The following NEK10 variants were observed in gnomAD, a reference collection of about 807,000 sequenced individuals.
NEK10 encodes NIMA related kinase 10.
A neutral mutation model predicts 159.8 loss-of-function variants in NEK10; 122 were observed. The ratio of observed to expected loss-of-function variants is 0.76; its 90% CI spans 0.66 to 0.89. The LOEUF (loss-of-function observed/expected upper bound fraction) is 0.89, where lower values mean the gene tolerates loss of function less well. NEK10 is among the 40% of genes least tolerant of loss of function. The pLI is 0.00. For missense variants in NEK10, 1,342 were observed against 1,323.1 expected (o/e 1.01, Z -0.22); for synonymous variants, 466 against 457.1 (o/e 1.02, Z -0.25).
chr3:27,312,976 A>G (rs1044551436), intron 7 of NEK10, among the ~76,000 whole-genome samples: 2 of 152,256 alleles, frequency 1.3e-5, no homozygotes, highest in Admixed American at 1.3e-4. Flanking sequence ...TATGAAAATC[A>G]TTCTTTCTGT....
chr3:27,311,844 C>T (rs1029829515), intron 8 of NEK10: 53 of 413,042 alleles, frequency 1.3e-4, no homozygotes, highest in Non-Finnish European at 2.2e-4. Flanking sequence ...ATAGATTTTA[C>T]CAAAATTTGC....
intron 30 of NEK10, among the ~76,000 whole-genome samples, chr3:27,144,001 G>A (rs1485718377): frequency 2.0e-5 from 3 of 152,178 alleles, no homozygotes; most frequent in Non-Finnish European, 2.9e-5. Context: ...CATAAAATGC[G>A]TTTTCTATTG....
At chr3:27,215,488 A>C (rs1475909901) in intron 23 of NEK10, 1 of 414,166 alleles carries the variant, frequency 2.4e-6, no homozygotes. Context: ...TGCCAAATGC[A>C]ATACATTTTT....
chr3:27,114,562 G>T (rs1176247296), intron 35 of NEK10, among the ~76,000 whole-genome samples: 2 of 152,144 alleles, frequency 1.3e-5, no homozygotes, highest in Non-Finnish European at 2.9e-5. Flanking sequence ...GAAGAAAAAG[G>T]AGAAGAAACA....
At chr3:27,286,747 T>C (rs2042647873) in intron 20 of NEK10, among the ~76,000 whole-genome samples, 2 of 152,052 alleles carry the variant, frequency 1.3e-5, no homozygotes, top group Admixed American at 1.3e-4. Flanking sequence ...TTGTTTTTTA[T>C]ATTAAGACAA....
chr3:27,136,114 T>C (rs1404979354), intron 31 of NEK10, among the ~76,000 whole-genome samples: 7 of 140,354 alleles, frequency 5.0e-5, no homozygotes, highest in East Asian at 2.1e-4. Flanking sequence ...TTTTTTTTTT[T>C]TTTTTTTTTT....
At chr3:27,289,293 T>A (rs2042834996) in intron 19 of NEK10, among the ~76,000 whole-genome samples, 1 of 152,194 alleles carries the variant, frequency 6.6e-6, no homozygotes, top group South Asian at 2.1e-4. Flanking sequence ...GCATTTGGGA[T>A]CCTCTTTGTT....
chr3:27,318,595 G>T (rs1489329408), intron 6 of NEK10, among the ~76,000 whole-genome samples: 1 of 152,216 alleles, frequency 6.6e-6, no homozygotes, highest in Non-Finnish European at 1.5e-5. Flanking sequence ...ATGTTGTGTA[G>T]CTTAGGGAAA....
intron 20 of NEK10, among the ~76,000 whole-genome samples, chr3:27,287,147 A>AAAG (rs2042678307): frequency 1.3e-5 from 2 of 151,784 alleles, no homozygotes; most frequent in African/African-American, 4.8e-5. Flanking sequence ...AAAAAAAAAA[A>AAAG]AAAAAAAAGA....
Position 27,278,893 on chromosome 3 carries a change from G to C in NEK10, c.2014+5709C>G, listed in dbSNP as rs2041953901. 9.1e-6 allele frequency: 9 copies of C among 984,570 alleles called. No individual in the cohort carries two copies. The South Asian group carries it at 1.4e-4, about 15-fold the overall frequency. 61.0% of individuals were successfully genotyped at this position (984,570 alleles called of 1,614,324 possible). ...ACAGTATTTAGGGCAAATGTTGACT[G>C]TGTCTCACCCCATGTACCACTGAAT... On this transcript the variant is annotated intron_variant, in intron 22 of 35. Transcript: ENST00000691995.
At chr3:27,181,285 T>A (rs1037321679) in intron 26 of NEK10, among the ~76,000 whole-genome samples, 1 of 152,168 alleles carries the variant, frequency 6.6e-6, no homozygotes, top group Non-Finnish European at 1.5e-5. Context: ...TGTCATATGG[T>A]AAATATAGTT....
Position 27,108,598 on chromosome 3 carries a change from A to T in NEK10, c.*2674T>A, listed in dbSNP as rs1939215510. Among the ~76,000 whole-genome samples, 1 of 152,216 alleles carries T rather than the reference A, an allele frequency of 6.6e-6. No individual in the cohort carries two copies. The highest frequency in any genetic ancestry group is 1.5e-5 in the Non-Finnish European group (1 of 68,032). The stretch of plus-strand genomic sequence containing the variant: ...ATATTCAGTTACGGAAATTAGGTGC[A>T]TTCATAGGAATTTCATTGCACAACA... On this transcript the variant is annotated 3_prime_UTR_variant, in exon 36 of 36. Coordinates refer to ENST00000691995, the MANE Select transcript of NEK10 (RefSeq NM_001394966.1).
chr3:27,205,134 T>C (rs1950420956), intron 23 of NEK10, among the ~76,000 whole-genome samples: 1 of 152,152 alleles, frequency 6.6e-6, no homozygotes, highest in African/African-American at 2.4e-5. Context: ...GTTCATGTCC[T>C]TCGCCCACTT....
chr3:27,358,039 A>T (rs1447343752), intron 1 of NEK10, among the ~76,000 whole-genome samples: 1 of 152,250 alleles, frequency 6.6e-6, no homozygotes, highest in Non-Finnish European at 1.5e-5. Flanking sequence ...TCTAACACTT[A>T]TTCTACCAAT....
intron 26 of NEK10, among the ~76,000 whole-genome samples, chr3:27,176,899 T>TC (rs1415005198): frequency 6.6e-6 from 1 of 152,200 alleles, no homozygotes; most frequent in Non-Finnish European, 1.5e-5. Flanking sequence ...AATTCAAATA[T>TC]CCCTAAAACT....
chr3:27,310,946 C>A lies in NEK10; in HGVS notation c.636+3G>T. ...AGCATTAACTCTTTCAGGGGCCACT[C>A]ACCTTGTGGGCTCCACTTGTGGTGA... is the stretch of plus-strand genomic sequence containing the variant. On this transcript the variant is annotated splice_donor_region_variant and intron_variant, in intron 9 of 35. Transcript: ENST00000691995. 6.3e-7 allele frequency: 1 copy of A among 1,595,824 alleles called. No homozygotes were observed. The highest frequency in any genetic ancestry group is 8.6e-7 in the Non-Finnish European group (1 of 1,163,780).
chr3:27,257,849 C>T (rs1463898169), intron 22 of NEK10, among the ~76,000 whole-genome samples: 4 of 145,356 alleles, frequency 2.8e-5, no homozygotes, highest in African/African-American at 7.9e-5. Flanking sequence ...AGTGCAGTGG[C>T]GCAATCTCGG....
chr3:27,331,139 A>G (rs553476241), intron 5 of NEK10, among the ~76,000 whole-genome samples: 1 of 150,104 alleles, frequency 6.7e-6, no homozygotes, highest in African/African-American at 2.4e-5. Context: ...CGGGAGGCCG[A>G]GGCAGGGAGA....
chr3:27,250,393 A>G (rs1553603186), intron 23 of NEK10, among the ~76,000 whole-genome samples: 1 of 151,988 alleles, frequency 6.6e-6, no homozygotes, highest in Non-Finnish European at 1.5e-5. Context: ...TCACTGTGTT[A>G]GTCAGGATGG....
Sources: gnomAD v4.1 joint callset for allele counts (sites outside exome capture counted in the v4.1 genomes callset) on GRCh38, gnomAD v4.1.1 for gene constraint, MANE v1.5 for transcripts, NCBI Gene and HGNC (gene_info 2026-07-23, HGNC 2026-07-21) for gene names.